DENND4A: variants seen among roughly 807,000 people sequenced by gnomAD.
DENND4A encodes C-myc promoter-binding protein.
A neutral mutation model predicts 199.3 loss-of-function variants in DENND4A; 70 were observed. The observed-to-expected ratio is 0.35, with a 90% CI of 0.29 to 0.43. The LOEUF (loss-of-function observed/expected upper bound fraction) is 0.43, where lower values mean the gene tolerates loss of function less well. Among genes scored for constraint, DENND4A ranks in the 20% least tolerant of loss-of-function variants. DENND4A has a pLI of 1.00. For missense variants in DENND4A, 1,723 were observed against 2,255.8 expected, an observed-to-expected ratio of 0.76 and a Z score of 4.78; for synonymous variants, 686 against 766.9, an observed-to-expected ratio of 0.89 and a Z score of 1.74.
Position 65,706,074 on chromosome 15 carries a change from T to G in DENND4A, c.2087+17A>C. 1 of 1,535,034 alleles carries G rather than the reference T, an allele frequency of 6.5e-7. No homozygotes were observed. The highest frequency in any genetic ancestry group is 8.8e-7 in the Non-Finnish European group (1 of 1,141,624). On this transcript the variant is annotated intron_variant, in intron 15 of 32. Transcript: ENST00000443035. ...TGCTTCTCTCTTTCAATCTCAAACA[T>G]TCTGCCTCTTGAATACCTGTACTGT... is the stretch of plus-strand genomic sequence containing the variant.
At chr15:65,676,165 T>TATATATATATATATATATATATATAC (rs1011768963) in intron 24 of DENND4A, among the ~76,000 whole-genome samples, 5 of 144,464 alleles carry the variant, frequency 3.5e-5, no homozygotes, top group Admixed American at 6.9e-5. Context: ...TATATATATA[T>TATATATATATATATATATATATATAC]ACCTATACCT....
chr15:65,684,508 A>C (rs768562458), intron 23 of DENND4A, among the ~76,000 whole-genome samples: 14 of 152,334 alleles, frequency 9.2e-5, no homozygotes, highest in South Asian at 2.1e-4. Flanking sequence ...GTCCATTAAT[A>C]TCTCTTCTTT....
rs61751116 is a variant in DENND4A at position 65,738,747 on chromosome 15, C to T, written c.760G>A (p.Val254Ile). Residue 254 changes from valine (V) to isoleucine (I), a missense_variant, in exon 6 of 33, where the codon GTA becomes ATA. Physicochemically the swap from Val to Ile is conservative, Grantham distance 29. Transcript: ENST00000443035. ...CCAGTTAAAACAAAAGTAGAAAATA[C>T]AGGCAGAGGGTATTTGCTATTTGAT... ...WPSNSKYPLP[V>I]FSTFVLTGAS... 1 of 1,611,114 alleles carries T rather than the reference C, an allele frequency of 6.2e-7. No individual in the cohort carries two copies. Among genetic ancestry groups the T allele is most frequent in the Non-Finnish European group, 8.5e-7 (1 of 1,178,656 alleles).
chr15:65,691,527 AGTGC>A lies in DENND4A; in HGVS notation c.3083-20_3083-17del, dbSNP rs779233664. On this transcript the variant is annotated splice_polypyrimidine_tract_variant and intron_variant, in intron 22 of 32. Coordinates refer to ENST00000443035, the MANE Select transcript of DENND4A (RefSeq NM_001320835.1). ...GGTGTGCTTTCTGAAAAACAAGTAA[AGTGC>A]TTTTAGCCATGAAAATATAATAGCA... 2 of 1,545,672 alleles carry A rather than the reference AGTGC, an allele frequency of 1.3e-6. No individual in the cohort carries two copies. Among genetic ancestry groups the A allele is most frequent in the Non-Finnish European group, 1.7e-6 (2 of 1,149,484 alleles).
Position 65,664,598 on chromosome 15 carries a change from T to A in DENND4A, c.5484A>T (p.Leu1828Phe). The A allele has an allele frequency of 6.2e-7, 1 of 1,613,094 alleles. No individual in the cohort carries two copies. The highest frequency in any genetic ancestry group is 8.5e-7 in the Non-Finnish European group (1 of 1,179,338). ...AATGTGGACACTTATTCAGTGTCTC[T>A]AAAATCTGACTCATTGGTCCATAGA... ...NDVYGPMSQILETLNKCPHFK... is the reference protein window; with the variant it reads ...NDVYGPMSQIFETLNKCPHFK... Residue 1828 changes from leucine to phenylalanine, a missense_variant, in exon 31 of 33, where the codon TTA (leucine) becomes TTT (phenylalanine). By Grantham distance (22) the Leu-to-Phe change is conservative. This residue lies in a region of DENND4A where 164 missense variants were observed against 280.1 expected (regional missense o/e 0.59). Coordinates refer to ENST00000443035, the MANE Select transcript of DENND4A (RefSeq NM_001320835.1).
chr15:65,665,091 G>A, intron 30 of DENND4A: 1 of 470,782 alleles, frequency 2.1e-6, no homozygotes, highest in Non-Finnish European at 3.7e-6. Flanking sequence ...AACCCCTCCA[G>A]CACATACACA....
At chr15:65,742,781 G>T (rs2140490423) in intron 4 of DENND4A, among the ~76,000 whole-genome samples, 1 of 152,170 alleles carries the variant, frequency 6.6e-6, no homozygotes, top group East Asian at 1.9e-4. Context: ...TGCTATATTT[G>T]TTTGTTTATT....
chr15:65,707,254 AAAG>A (rs1441634529), intron 14 of DENND4A, among the ~76,000 whole-genome samples: 1 of 152,116 alleles, frequency 6.6e-6, no homozygotes, highest in African/African-American at 2.4e-5. Context: ...CATAAACTAA[AAAG>A]AATAATATTG....
At chr15:65,772,245 C>A in intron 1 of DENND4A, 1 of 568,874 alleles carries the variant, frequency 1.8e-6, no homozygotes, top group Non-Finnish European at 3.1e-6. Context: ...GACTCTGATT[C>A]TCTCATTCAC....
At chr15:65,780,493 G>A (rs1352643118) in intron 1 of DENND4A, among the ~76,000 whole-genome samples, 2 of 152,266 alleles carry the variant, frequency 1.3e-5, no homozygotes, top group Admixed American at 1.3e-4. Flanking sequence ...ATTTGTGACA[G>A]GACACCAAAT....
intron 20 of DENND4A, among the ~76,000 whole-genome samples, chr15:65,700,034 T>C (rs557109445): frequency 6.6e-6 from 1 of 151,914 alleles, no homozygotes; most frequent in South Asian, 2.1e-4. Flanking sequence ...TTAAAATCAC[T>C]TAAGATTTAG....
intron 23 of DENND4A, among the ~76,000 whole-genome samples, chr15:65,684,795 T>C (rs2076699482): frequency 6.6e-6 from 1 of 151,862 alleles, no homozygotes; most frequent in Non-Finnish European, 1.5e-5. Flanking sequence ...TCTTAAAAGA[T>C]TTTCTTCCTA....
intron 1 of DENND4A, among the ~76,000 whole-genome samples, chr15:65,773,154 G>T (rs2077186410): frequency 6.6e-6 from 1 of 152,166 alleles, no homozygotes; most frequent in South Asian, 2.1e-4. Context: ...TAGCCCTGAG[G>T]TTTGTTTCAT....
intron 13 of DENND4A, 22 bp from the exon 14 acceptor site, chr15:65,715,645 T>C (rs936270689): frequency 6.6e-7 from 1 of 1,522,616 alleles, no homozygotes; most frequent in African/African-American, 1.4e-5. Flanking sequence ...AAATATATAA[T>C]GTCAGAATAC....
Position 65,660,757 on chromosome 15 carries a change from C to A in DENND4A, c.*1094G>T, listed in dbSNP as rs2075824193. On this transcript the variant is annotated 3_prime_UTR_variant, in exon 33 of 33. Coordinates refer to ENST00000443035, the MANE Select transcript of DENND4A (RefSeq NM_001320835.1). Reference sequence around the variant, plus strand: ...TAAGTTCCTCAATATGGATGAAAATCTATCTGGCTGTACTTTTAGAGGGGA... The same window carrying A: ...TAAGTTCCTCAATATGGATGAAAATATATCTGGCTGTACTTTTAGAGGGGA... 6.5e-6 allele frequency: 1 copy of A among 153,266 alleles called. No homozygotes were observed. Among genetic ancestry groups the A allele is most frequent in the African/African-American group, 2.4e-5 (1 of 41,428 alleles). The allele number at this position is 153,266 out of a possible 1,614,324, so 9.5% of individuals were successfully genotyped here.
In DENND4A at chr15:65,668,092, G is replaced by A. The variant is rs770141369; in HGVS notation, c.4819C>T (p.Arg1607Ter). Residue 1607 changes from arginine to a stop codon, truncating the protein, a stop_gained, in exon 28 of 33, where the codon CGA becomes TGA. Coordinates refer to ENST00000443035, the MANE Select transcript of DENND4A (RefSeq NM_001320835.1). LOFTEE classifies it high-confidence loss of function. The part of the protein sequence containing the change: ...KSKLQENFCT[R>*]SIQIPANRSK... ...CTATTAGCAGGGATCTGAATACTTC[G>A]GGTGCAAAAATTTTCCTGCAGTTTA... 6.3e-7 allele frequency: 1 copy of A among 1,579,728 alleles called. No homozygotes were observed. Among genetic ancestry groups the A allele is most frequent in the Non-Finnish European group, 8.5e-7 (1 of 1,171,130 alleles).
intron 1 of DENND4A, among the ~76,000 whole-genome samples, chr15:65,775,383 G>A (rs1168890245): frequency 6.6e-6 from 1 of 151,468 alleles, no homozygotes; most frequent in Non-Finnish European, 1.5e-5. Context: ...GCTCACGTCT[G>A]TAATCCCAGC....
chr15:65,737,755 A>G lies in DENND4A; in HGVS notation c.992T>C (p.Phe331Ser). The change falls in exon 7 of 33, where the codon TTT becomes TCT. Residue 331 changes from phenylalanine to serine, a missense_variant. This residue lies in a region of DENND4A where 725 missense variants were observed against 952.9 expected (regional missense o/e 0.76). Transcript: ENST00000443035. Reference protein sequence around the residue: ...FFDAFRKFLTFLYRYSISGPH... With the variant: ...FFDAFRKFLTSLYRYSISGPH... ...CCCAGAGATGGAATAACGATACAGA[A>G]AAGTCAGAAACTTCCTGAATGCATC... 6.3e-7 allele frequency: 1 copy of G among 1,589,934 alleles called. No individual in the cohort carries two copies. Among genetic ancestry groups the G allele is most frequent in the South Asian group, 1.1e-5 (1 of 87,020 alleles).
At chr15:65,716,221 C>A (rs1487478472) in intron 13 of DENND4A, among the ~76,000 whole-genome samples, 1 of 151,362 alleles carries the variant, frequency 6.6e-6, no homozygotes, top group Non-Finnish European at 1.5e-5. Flanking sequence ...TGGCTAATTT[C>A]TTTCTTTTTT....
Sources: allele counts gnomAD v4.1 joint callset (sites outside exome capture counted in the v4.1 genomes callset), GRCh38; gene constraint gnomAD v4.1.1; regional missense constraint gnomAD v4.1.1; transcripts MANE v1.5; gene names NCBI Gene and HGNC (gene_info 2026-07-23, HGNC 2026-07-21).